TLN2: variants seen among roughly 807,000 people sequenced by gnomAD.
The protein encoded by TLN2 is talin-2.
A neutral mutation model predicts 294.7 loss-of-function variants in TLN2; 118 were observed. That is an observed-to-expected ratio of 0.40 (90% CI 0.34 to 0.47). The LOEUF (loss-of-function observed/expected upper bound fraction) is 0.47, where lower values mean the gene tolerates loss of function less well. TLN2 is among the 20% of genes least tolerant of loss of function. The pLI is 0.84. For missense variants in TLN2, 3,083 were observed against 3,282.2 expected (o/e 0.94, Z 1.48); for synonymous variants, 1,431 against 1,304.5 (o/e 1.10, Z -2.09).
chr15:62,756,949 A>G (rs1486951343), intron 37 of TLN2, among the ~76,000 whole-genome samples: 1 of 152,172 alleles, frequency 6.6e-6, no homozygotes, highest in Non-Finnish European at 1.5e-5. Context: ...AGGCAAGAGT[A>G]AGCTCAGTTG....
At chr15:62,483,418 G>T (rs891670885) in intron 1 of TLN2, among the ~76,000 whole-genome samples, 1 of 152,168 alleles carries the variant, frequency 6.6e-6, no homozygotes, top group Admixed American at 6.5e-5. Flanking sequence ...CCTCTTTCGG[G>T]CCAGAACCAT....
chr15:62,692,916 G>A lies in TLN2; in HGVS notation c.1190G>A (p.Gly397Asp). The change falls in exon 13 of 59, where the codon GGC becomes GAC. Residue 397 changes from glycine (G) to aspartate (D), a missense_variant. By Grantham distance (94) the Gly-to-Asp change is moderately conservative. Coordinates refer to ENST00000636159, the MANE Select transcript of TLN2 (RefSeq NM_015059.3). The stretch of plus-strand genomic sequence containing the variant: ...GAGCAGATATCCCAGCTGATTGCAG[G>A]CTACATTGACATCATCCTGAAAAAG... ...EGEQISQLIA[G>D]YIDIILKKKQ... is the part of the protein sequence containing the mutation. The A allele has an allele frequency of 6.2e-7, 1 of 1,612,010 alleles. No homozygotes were observed. The highest frequency in any genetic ancestry group is 8.5e-7 in the Non-Finnish European group (1 of 1,179,092).
At chr15:62,406,453 A>ACAGCTTTGGCAGTGCG (rs2033411813) in intron 1 of TLN2, among the ~76,000 whole-genome samples, 1 of 152,160 alleles carries the variant, frequency 6.6e-6, no homozygotes, top group African/African-American at 2.4e-5. Flanking sequence ...TTGGCAGTGC[A>ACAGCTTTGGCAGTGCG]ACAGCTCTGT....
chr15:62,810,171 C>A, intron 52 of TLN2, 139 bp downstream of exon 52: 1 of 734,282 alleles, frequency 1.4e-6, no homozygotes, highest in Admixed American at 2.2e-5. Context: ...CTGGATTGAA[C>A]TGGAATCTCC....
At chr15:62,635,709 A>G (rs986635287) in intron 3 of TLN2, among the ~76,000 whole-genome samples, 1 of 152,130 alleles carries the variant, frequency 6.6e-6, no homozygotes, top group Non-Finnish European at 1.5e-5. Flanking sequence ...ATCTAGGGTA[A>G]ATAGGATCTC....
intron 9 of TLN2, among the ~76,000 whole-genome samples, chr15:62,673,072 T>TTGTG (rs60589441): frequency 0.033 from 4,747 of 144,874 alleles, 278 homozygotes; most frequent in African/African-American, 0.11. Context: ...CCTAATTTAA[T>TTGTG]TGTGTGTGTG....
chr15:62,792,611 T>C, intron 45 of TLN2, 30 bp from the exon 46 acceptor site: 7 of 1,607,760 alleles, frequency 4.4e-6, no homozygotes, highest in Non-Finnish European at 5.9e-6. Flanking sequence ...ATCACGCTTC[T>C]CCTTCCCCAT....
intron 1 of TLN2, among the ~76,000 whole-genome samples, chr15:62,439,141 C>G (rs1219444156): frequency 6.6e-6 from 1 of 152,192 alleles, no homozygotes; most frequent in East Asian, 1.9e-4. Context: ...TACTTTTTCT[C>G]TTGCTGTCAT....
intron 50 of TLN2, 45 bp downstream of exon 50, chr15:62,800,814 G>A (rs756354294): frequency 3.3e-6 from 5 of 1,527,482 alleles, no homozygotes; most frequent in Non-Finnish European, 4.5e-6. Context: ...GAGTCCCACA[G>A]CTGACCCCAG....
chr15:62,675,459 G>T, intron 11 of TLN2, 138 bp downstream of exon 11: 1 of 781,526 alleles, frequency 1.3e-6, no homozygotes, highest in Non-Finnish European at 2.1e-6. Context: ...GTGCTGACCT[G>T]CGTTTAGCTG....
At chr15:62,807,538 C>T (rs910635810) in intron 51 of TLN2, among the ~76,000 whole-genome samples, 4 of 152,178 alleles carry the variant, frequency 2.6e-5, no homozygotes, top group African/African-American at 9.7e-5. Context: ...ACGCTTTTGT[C>T]CCCAAGCTAC....
intron 22 of TLN2, among the ~76,000 whole-genome samples, chr15:62,714,803 C>T (rs1257564716): frequency 2.0e-5 from 3 of 152,024 alleles, no homozygotes; most frequent in Non-Finnish European, 4.4e-5. Context: ...AGATTTCAGG[C>T]CAAAATTAGT....
At chr15:62,607,995 T>G (rs947190271) in intron 2 of TLN2, among the ~76,000 whole-genome samples, 6 of 152,232 alleles carry the variant, frequency 3.9e-5, no homozygotes, top group African/African-American at 1.4e-4. Flanking sequence ...TCTCTGACAT[T>G]TTTGTTAGGC....
intron 51 of TLN2, among the ~76,000 whole-genome samples, chr15:62,809,188 T>A (rs1267108642): frequency 6.6e-6 from 1 of 152,200 alleles, no homozygotes; most frequent in East Asian, 1.9e-4. Flanking sequence ...TTATCTGAAA[T>A]TCAAATTTAA....
intron 1 of TLN2, among the ~76,000 whole-genome samples, chr15:62,588,460 A>T (rs1260745570): frequency 6.6e-6 from 1 of 150,474 alleles, no homozygotes; most frequent in East Asian, 2.0e-4. Flanking sequence ...ACGTAGTAAA[A>T]CCCCGTCTCT....
At chr15:62,428,056 A>G (rs1328765845) in intron 1 of TLN2, among the ~76,000 whole-genome samples, 1 of 152,116 alleles carries the variant, frequency 6.6e-6, no homozygotes, top group Non-Finnish European at 1.5e-5. Flanking sequence ...GTTCTTGAAC[A>G]TTCATCATTG....
chr15:62,407,474 C>G (rs891690333), intron 1 of TLN2, among the ~76,000 whole-genome samples: 1 of 152,080 alleles, frequency 6.6e-6, no homozygotes, highest in African/African-American at 2.4e-5. Flanking sequence ...TATTGTTTCC[C>G]CCGGATATTT....
rs763427386 is a variant in TLN2 at position 62,702,784 on chromosome 15, A to C, written c.1924A>C (p.Thr642Pro). The change falls in exon 19 of 59, where the codon ACT (threonine) becomes CCT (proline). Residue 642 changes from threonine to proline, a missense_variant. By Grantham distance (38) the Thr-to-Pro change is conservative. Coordinates refer to ENST00000636159, the MANE Select transcript of TLN2 (RefSeq NM_015059.3). Reference protein sequence around the residue: ...TSGEPRQTVLTAAGSIGQASG... With the variant: ...TSGEPRQTVLPAAGSIGQASG... ...TTCACAGCCTCGACAGACAGTTTTG[A>C]CTGCTGCTGGCAGCATCGGACAAGC... 6 of 1,614,060 alleles carry C rather than the reference A, an allele frequency of 3.7e-6. No individual in the cohort carries two copies. Among genetic ancestry groups the C allele is most frequent in the Non-Finnish European group, 5.1e-6 (6 of 1,180,022 alleles).
At chr15:62,775,298 T>C (rs1468762711) in intron 42 of TLN2, among the ~76,000 whole-genome samples, 6 of 152,130 alleles carry the variant, frequency 3.9e-5, no homozygotes, top group African/African-American at 1.2e-4. Context: ...TCACCTTCTG[T>C]ACGAATAAAA....
Sources: gnomAD v4.1 joint callset for allele counts (sites outside exome capture counted in the v4.1 genomes callset) on GRCh38, gnomAD v4.1.1 for gene constraint, MANE v1.5 for transcripts, NCBI Gene and HGNC (gene_info 2026-07-23, HGNC 2026-07-21) for gene names.